Variants in SOCS2 observed in about 807,000 individuals in gnomAD.
SOCS2 encodes CIS-2.
Under a neutral mutation model 18.6 loss-of-function variants are expected in SOCS2, and 10 were observed. The ratio of observed to expected loss-of-function variants is 0.54; its 90% CI spans 0.33 to 0.91. The LOEUF (loss-of-function observed/expected upper bound fraction) is 0.91. Ranked by LOEUF, SOCS2 falls within the 40% of genes least tolerant of loss-of-function variation. The pLI, the probability that SOCS2 is intolerant of heterozygous loss-of-function variation, is 0.02. For missense variants in SOCS2, 231 were observed against 247.2 expected, an observed-to-expected ratio of 0.93 and a Z score of 0.44; for synonymous variants, 104 against 104.0, an observed-to-expected ratio of 1.00 and a Z score of 0.00.
the SOCS2 span, among the ~76,000 whole-genome samples, chr12:93,621,102 T>G: frequency 6.6e-6 from 1 of 152,078 alleles, no homozygotes; most frequent in Non-Finnish European, 1.5e-5. Flanking sequence ...GCTGAGCATA[T>G]ACGTCCTCGT....
chr12:93,602,306 G>C, the SOCS2 span, among the ~76,000 whole-genome samples: 11 of 152,214 alleles, frequency 7.2e-5, no homozygotes, highest in Non-Finnish European at 1.0e-4. Context: ...ATGTTGCTCA[G>C]GCTGTTCTCG....
At chr12:93,621,119 TCCAA>T in the SOCS2 span, among the ~76,000 whole-genome samples, 3,517 of 152,332 alleles carry the variant, frequency 0.023, 65 homozygotes, top group Middle Eastern at 0.054. Context: ...TCGTGACTGT[TCCAA>T]CTCCTAGTCA....
the SOCS2 span, among the ~76,000 whole-genome samples, chr12:93,601,503 T>A: frequency 6.6e-6 from 1 of 152,068 alleles, no homozygotes; most frequent in African/African-American, 2.4e-5. Flanking sequence ...GAGACTGGAT[T>A]TCACCATGTT....
the SOCS2 span, among the ~76,000 whole-genome samples, chr12:93,589,216 C>T: frequency 1.8e-4 from 28 of 152,164 alleles, no homozygotes; most frequent in African/African-American, 3.6e-4. Flanking sequence ...TTGCAGTCTG[C>T]GACCCCATCA....
chr12:93,623,972 G>A, the SOCS2 span, among the ~76,000 whole-genome samples: 1 of 152,166 alleles, frequency 6.6e-6, no homozygotes, highest in South Asian at 2.1e-4. Flanking sequence ...CCAAAGTGCT[G>A]GGATTACAGG....
the SOCS2 span, among the ~76,000 whole-genome samples, chr12:93,594,736 G>A: frequency 6.6e-6 from 1 of 152,140 alleles, no homozygotes; most frequent in Non-Finnish European, 1.5e-5. Context: ...AGAATGTTAT[G>A]TAAGGGAGTT....
At chr12:93,614,625 T>TTCTTTCTC in the SOCS2 span, among the ~76,000 whole-genome samples, 1 of 127,840 alleles carries the variant, frequency 7.8e-6, no homozygotes, top group Admixed American at 8.5e-5. Context: ...CTTTCTTTCT[T>TTCTTTCTC]TCTTTCTTTT....
the SOCS2 span, among the ~76,000 whole-genome samples, chr12:93,609,549 T>C: frequency 6.6e-6 from 1 of 151,850 alleles, no homozygotes; most frequent in East Asian, 1.9e-4. Context: ...TCTTAATTTA[T>C]TACCTTATTA....
At chr12:93,621,619 A>G in the SOCS2 span, among the ~76,000 whole-genome samples, 3 of 152,118 alleles carry the variant, frequency 2.0e-5, no homozygotes, top group Non-Finnish European at 4.4e-5. Flanking sequence ...TGGGACCACA[A>G]GCACACACCA....
chr12:93,622,433 A>T, the SOCS2 span, among the ~76,000 whole-genome samples: 1 of 152,208 alleles, frequency 6.6e-6, no homozygotes, highest in Admixed American at 6.5e-5. Context: ...CCTCTCTGAC[A>T]TCATTGGCAT....
the SOCS2 span, among the ~76,000 whole-genome samples, chr12:93,619,855 T>G: frequency 6.6e-6 from 1 of 152,186 alleles, no homozygotes; most frequent in Non-Finnish European, 1.5e-5. Flanking sequence ...CTGGTTCAGC[T>G]CATGCTCCTC....
the SOCS2 span, among the ~76,000 whole-genome samples, chr12:93,610,761 G>A: frequency 6.6e-6 from 1 of 152,110 alleles, no homozygotes; most frequent in Non-Finnish European, 1.5e-5. Flanking sequence ...GCCATAAGGT[G>A]CCATCTTTGT....
upstream of SOCS2, chr12:93,570,489 G>A (rs1279229345): frequency 6.6e-6 from 1 of 152,322 alleles, no homozygotes; most frequent in African/African-American, 2.4e-5. Flanking sequence ...TAGAGCCGGA[G>A]AGTCTGGTTT....
the SOCS2 span, among the ~76,000 whole-genome samples, chr12:93,604,031 A>G: frequency 6.6e-6 from 1 of 152,210 alleles, no homozygotes; most frequent in African/African-American, 2.4e-5. Context: ...CAGAACACCC[A>G]CATGGAGGCA....
chr12:93,589,661 T>A, the SOCS2 span, among the ~76,000 whole-genome samples: 1 of 152,210 alleles, frequency 6.6e-6, no homozygotes, highest in Admixed American at 6.5e-5. Flanking sequence ...AGCTTAGTAC[T>A]TTGGTTCGCT....
At position 93,572,729 on chromosome 12, in the gene SOCS2, C is replaced by CGG. The variant is rs1391136691; in HGVS notation, c.-169_-168insGG. On this transcript the variant is annotated 5_prime_UTR_variant, in exon 1 of 2. Coordinates refer to ENST00000551556, the MANE Select transcript of SOCS2 (RefSeq NM_001270471.2). This position sits in a 1 kb window ranked among gnomAD's most constrained non-coding sequence, Gnocchi z 5.0. ...GGCTGCGAGGGACTTTGTCATCCGT[C>CGG]CTCCAGGATCTGGGGAGAAAGAGCC... 3.2e-5 allele frequency: 28 copies of CGG among 880,188 alleles called. No individual in the cohort carries two copies. In the African/African-American group the frequency reaches 4.6e-4, roughly 15 times the overall value. 54.5% of individuals were successfully genotyped at this position (880,188 alleles called of 1,614,324 possible).
upstream of SOCS2, chr12:93,571,783 G>C (rs1038504222): frequency 2.7e-6 from 1 of 370,688 alleles, no homozygotes; most frequent in South Asian, 1.8e-5. Context: ...GTTAACGGGG[G>C]AAACAAGGGC....
upstream of SOCS2, chr12:93,571,534 T>C: frequency 5.9e-6 from 1 of 168,280 alleles, no homozygotes; most frequent in South Asian, 1.1e-4. Flanking sequence ...CCGCCCTCGC[T>C]CCTTCCTCCC....
At chr12:93,623,554 G>A in the SOCS2 span, among the ~76,000 whole-genome samples, 2 of 152,024 alleles carry the variant, frequency 1.3e-5, no homozygotes, top group East Asian at 1.9e-4. Context: ...GTGTGAAAAC[G>A]GACTTACACA....
Sources: allele counts gnomAD v4.1 joint callset (sites outside exome capture counted in the v4.1 genomes callset), GRCh38; gene constraint gnomAD v4.1.1; non-coding constraint Gnocchi (gnomAD v3.1); transcripts MANE v1.5; gene names NCBI Gene and HGNC (gene_info 2026-07-23, HGNC 2026-07-21).